Variants in BNC2 observed in about 807,000 individuals in gnomAD.
BNC2 encodes basonuclin zinc finger protein 2, also known as zinc finger protein basonuclin-2.
A neutral mutation model predicts 76.3 loss-of-function variants in BNC2; 20 were observed. The observed-to-expected ratio is 0.26, with a 90% CI of 0.18 to 0.38. The LOEUF (loss-of-function observed/expected upper bound fraction) is 0.38, where lower values mean the gene tolerates loss of function less well. BNC2 is among the 10% of genes least tolerant of loss of function. The probability of loss-of-function intolerance (pLI) is 1.00; values close to 1 mark genes in which losing one functional copy is unlikely to be tolerated. For missense variants in BNC2, 1,382 were observed against 1,399.8 expected (o/e 0.99, Z 0.20); for synonymous variants, 582 against 514.8 (o/e 1.13, Z -1.77).
intron 5 of BNC2, among the ~76,000 whole-genome samples, chr9:16,521,528 C>T (rs1282578923): frequency 6.6e-6 from 1 of 152,106 alleles, no homozygotes; most frequent in Non-Finnish European, 1.5e-5. Flanking sequence ...ATATAATTTG[C>T]GCACATATAC....
At chr9:16,809,120 G>A (rs749725652) in intron 1 of BNC2, among the ~76,000 whole-genome samples, 13 of 152,038 alleles carry the variant, frequency 8.6e-5, no homozygotes, top group Admixed American at 2.0e-4. Flanking sequence ...CAGTTGTTTC[G>A]GCTGAGGCTT....
At chr9:16,850,880 T>G (rs1352778014) in intron 1 of BNC2, among the ~76,000 whole-genome samples, 3 of 152,130 alleles carry the variant, frequency 2.0e-5, no homozygotes, top group Non-Finnish European at 4.4e-5. Context: ...AAAAGACTTT[T>G]GAAGATTCAG....
At position 16,780,154 on chromosome 9, in the gene BNC2, C is replaced by T. The variant is rs564480032; in HGVS notation, c.4-41669G>A. On this transcript the variant is annotated intron_variant, in intron 1 of 6. Transcript: ENST00000380672. ...GGGAGGCTGAGGTAGGAGAATGGCG[C>T]GAACCTGGGAGGCGGAGCTTGCAGT... Among the ~76,000 whole-genome samples the T allele has an allele frequency of 1.5e-3, 202 of 133,142 alleles. 1 individual carries two copies. Among genetic ancestry groups the T allele is most frequent in the African/African-American group, 4.0e-3 (147 of 36,666 alleles). 87.3% of individuals were successfully genotyped at this position (133,142 alleles called of 152,430 possible).
rs141961547 is a variant in BNC2, at chr9:16,676,160, C to T, written c.330+51637G>A. On this transcript the variant is annotated intron_variant, in intron 3 of 6. Coordinates refer to ENST00000380672, the MANE Select transcript of BNC2 (RefSeq NM_017637.6). ...ACAAATTGAGATTCCATTATCTACT[C>T]AAACAAAAGAATTTTTCTTTTTCTT... is the stretch of plus-strand genomic sequence containing the variant. Among the ~76,000 whole-genome samples the T allele has an allele frequency of 7.2e-3, 1,092 of 152,294 alleles. 10 individuals carry two copies. Among genetic ancestry groups the T allele is most frequent in the African/African-American group, 0.025 (1,023 of 41,548 alleles).
intron 5 of BNC2, among the ~76,000 whole-genome samples, chr9:16,484,406 C>T (rs1234987001): frequency 1.3e-5 from 2 of 152,198 alleles, no homozygotes; most frequent in African/African-American, 2.4e-5. Flanking sequence ...ATAAAACAAG[C>T]TTTCCAGATG....
intron 3 of BNC2, among the ~76,000 whole-genome samples, chr9:16,680,282 G>A (rs1032749067): frequency 5.3e-5 from 8 of 151,970 alleles, no homozygotes; most frequent in Non-Finnish European, 1.0e-4. Flanking sequence ...TGAAAAACAG[G>A]CTTCACACTT....
intron 5 of BNC2, among the ~76,000 whole-genome samples, chr9:16,452,028 G>T (rs974285306): frequency 1.3e-5 from 2 of 152,190 alleles, no homozygotes; most frequent in East Asian, 3.9e-4. Flanking sequence ...GAATCTAGCT[G>T]ACCTGACCTG....
chr9:16,460,250 C>T (rs953829856), intron 5 of BNC2, among the ~76,000 whole-genome samples: 1 of 151,880 alleles, frequency 6.6e-6, no homozygotes, highest in Admixed American at 6.6e-5. Flanking sequence ...AAGGATTAAG[C>T]TCTGGTTCTA....
chr9:16,552,583 G>C lies in BNC2; in HGVS notation c.616C>G (p.Leu206Val). The change falls in exon 5 of 7, where the codon CTG (leucine) becomes GTG (valine). Residue 206 changes from leucine to valine, a missense_variant. This residue lies in a region of BNC2 where 557 missense variants were observed against 540.9 expected (regional missense o/e 1.03). Transcript: ENST00000380672. ...CGCAGAGTCCAGCCAAGGCCGTGCA[G>C]TATGTGCAGTACCTCCTCTTGCTTC... Reference protein sequence around the residue: ...VLKQEEVLHILHGLGWTLRDY... With the variant: ...VLKQEEVLHIVHGLGWTLRDY... 1 of 1,614,242 alleles carries C rather than the reference G, an allele frequency of 6.2e-7. No individual in the cohort carries two copies. The highest frequency in any genetic ancestry group is 1.1e-5 in the South Asian group (1 of 91,088).
intron 4 of BNC2, among the ~76,000 whole-genome samples, chr9:16,571,806 A>G (rs1819331927): frequency 6.6e-6 from 1 of 152,144 alleles, no homozygotes; most frequent in South Asian, 2.1e-4. Flanking sequence ...TTCCGCTGAC[A>G]AGGTTTTTGC....
chr9:16,422,990 G>T (rs1820738080), intron 6 of BNC2, among the ~76,000 whole-genome samples: 1 of 152,188 alleles, frequency 6.6e-6, no homozygotes, highest in Non-Finnish European at 1.5e-5. Flanking sequence ...GAGAGACACA[G>T]AAAGAACTCT....
intron 1 of BNC2, among the ~76,000 whole-genome samples, chr9:16,798,374 T>A (rs1817704619): frequency 6.6e-6 from 1 of 152,190 alleles, no homozygotes; most frequent in Non-Finnish European, 1.5e-5. Flanking sequence ...ATTAGCTTAG[T>A]CAATAAATTA....
chr9:16,548,542 T>C (rs967065232), intron 5 of BNC2, among the ~76,000 whole-genome samples: 1 of 151,912 alleles, frequency 6.6e-6, no homozygotes, highest in Non-Finnish European at 1.5e-5. Flanking sequence ...AGTAGCTGGG[T>C]TAACAGGCAC....
chr9:16,533,288 A>G (rs190696496), intron 5 of BNC2, among the ~76,000 whole-genome samples: 1 of 152,360 alleles, frequency 6.6e-6, no homozygotes, highest in East Asian at 1.9e-4. Context: ...TCTGGAAACA[A>G]ACACAAAGAT....
intron 1 of BNC2, among the ~76,000 whole-genome samples, chr9:16,788,358 CCTGG>C (rs1826360653): frequency 6.6e-6 from 1 of 151,658 alleles, no homozygotes; most frequent in Non-Finnish European, 1.5e-5. Context: ...TCGAGACCAT[CCTGG>C]CTAACATGGT....
chr9:16,537,589 C>T (rs1287368114), intron 5 of BNC2, among the ~76,000 whole-genome samples: 2 of 152,136 alleles, frequency 1.3e-5, no homozygotes, highest in African/African-American at 4.8e-5. Flanking sequence ...TCTTGACTTT[C>T]TATTAATATA....
At chr9:16,430,360 C>T (rs1167041077) in intron 6 of BNC2, among the ~76,000 whole-genome samples, 1 of 152,140 alleles carries the variant, frequency 6.6e-6, no homozygotes, top group Non-Finnish European at 1.5e-5. Flanking sequence ...ATTACCACAT[C>T]GTATTTGACA....
chr9:16,762,367 C>A (rs772695339), intron 1 of BNC2, among the ~76,000 whole-genome samples: 1 of 152,124 alleles, frequency 6.6e-6, no homozygotes, highest in African/African-American at 2.4e-5. Flanking sequence ...ACCCTACCCC[C>A]AAATGTTTTT....
intron 4 of BNC2, among the ~76,000 whole-genome samples, chr9:16,568,710 C>A (rs554655300): frequency 3.2e-4 from 49 of 152,232 alleles, no homozygotes; most frequent in Non-Finnish European, 5.0e-4. Flanking sequence ...TAATAAAAGC[C>A]TTAACACTTG....
Sources: gnomAD v4.1 joint callset for allele counts (sites outside exome capture counted in the v4.1 genomes callset) on GRCh38, gnomAD v4.1.1 for gene constraint, gnomAD v4.1.1 regional missense constraint, MANE v1.5 for transcripts, NCBI Gene and HGNC (gene_info 2026-07-23, HGNC 2026-07-21) for gene names.